The following SCUBE1 variants were observed in gnomAD, a reference collection of about 807,000 sequenced individuals.
SCUBE1 encodes signal peptide, CUB domain and EGF like domain containing 1, also known as signal peptide, CUB and EGF-like domain-containing protein 1.
SCUBE1 carries 59 observed loss-of-function variants against 124.4 expected under a neutral mutation model. The observed-to-expected ratio is 0.47, with a 90% CI of 0.38 to 0.59. SCUBE1 has a LOEUF of 0.59. Ranked by LOEUF, SCUBE1 falls within the 20% of genes least tolerant of loss-of-function variation. The probability of loss-of-function intolerance (pLI) is 0.00; values close to 1 mark genes in which losing one functional copy is unlikely to be tolerated. For missense variants in SCUBE1, 1,150 were observed against 1,371.2 expected, an observed-to-expected ratio of 0.84 and a Z score of 2.55; for synonymous variants, 545 against 550.9, an observed-to-expected ratio of 0.99 and a Z score of 0.15.
intron 4 of SCUBE1, among the ~76,000 whole-genome samples, chr22:43,290,639 G>A (rs867627914): frequency 3.9e-5 from 6 of 152,364 alleles, no homozygotes; most frequent in Middle Eastern, 3.4e-3. Flanking sequence ...GCAGCAGGGA[G>A]TCGCTGGTGC....
At position 43,267,596 on chromosome 22, in the gene SCUBE1, C is replaced by T. The variant is rs559550181; in HGVS notation, c.485-4751G>A. ...CACAGCATGCTGGACAGGAAGAGAC[C>T]CCAGCACTAGCAGGGTCTAAGGGTG... On this transcript the variant is annotated intron_variant, in intron 4 of 21. Coordinates refer to ENST00000360835, the MANE Select transcript of SCUBE1 (RefSeq NM_173050.5). Among the ~76,000 whole-genome samples the T allele has an allele frequency of 2.6e-5, 4 of 152,242 alleles. No individual in the cohort carries two copies. In the South Asian group the frequency reaches 8.3e-4, roughly 32 times the overall value.
At chr22:43,266,782 C>G (rs6003130) in intron 4 of SCUBE1, among the ~76,000 whole-genome samples, 15 of 152,030 alleles carry the variant, frequency 9.9e-5, no homozygotes, top group Non-Finnish European at 1.8e-4. Flanking sequence ...TTACTGGCCA[C>G]TGTTTCCAGA....
rs183397689 is a variant in SCUBE1 at position 43,311,541 on chromosome 22, C to T, written c.349+8396G>A. 2.5e-3 allele frequency among the ~76,000 whole-genome samples: 386 copies of T among 151,812 alleles called. 3 individuals carry two copies. The highest frequency in any genetic ancestry group is 4.2e-3 in the Admixed American group (64 of 15,262). ...GTTCAAGTGATTCTCCTGCCTCAGC[C>T]TCCCAAGTGGTTGGGACTAGAGGCG... On this transcript the variant is annotated intron_variant, in intron 3 of 21. Coordinates refer to ENST00000360835, the MANE Select transcript of SCUBE1 (RefSeq NM_173050.5).
At chr22:43,300,662 T>G (rs991372988) in intron 3 of SCUBE1, among the ~76,000 whole-genome samples, 1 of 152,228 alleles carries the variant, frequency 6.6e-6, no homozygotes. Flanking sequence ...GGCAAATACT[T>G]TTTCCTATTC....
At chr22:43,256,559 G>A (rs1923667971) in intron 6 of SCUBE1, among the ~76,000 whole-genome samples, 1 of 152,158 alleles carries the variant, frequency 6.6e-6, no homozygotes, top group Non-Finnish European at 1.5e-5. Flanking sequence ...GTGGGGCTGG[G>A]GAAGTTAATT....
chr22:43,209,096 C>T (rs1303435322), intron 19 of SCUBE1, among the ~76,000 whole-genome samples: 6 of 152,208 alleles, frequency 3.9e-5, no homozygotes, highest in African/African-American at 1.2e-4. Context: ...TTTGGCTGCT[C>T]AGCTGCGTCA....
chr22:43,267,992 A>G (rs1046148430), intron 4 of SCUBE1, among the ~76,000 whole-genome samples: 9 of 152,322 alleles, frequency 5.9e-5, no homozygotes, highest in African/African-American at 1.7e-4. Context: ...CAGATGGGAA[A>G]GGACTCTGTG....
chr22:43,216,537 T>C (rs571076712), intron 15 of SCUBE1, among the ~76,000 whole-genome samples: 36 of 151,796 alleles, frequency 2.4e-4, no homozygotes, highest in African/African-American at 7.7e-4. Context: ...CCTGTAGTCC[T>C]AGCTACTTGG....
chr22:43,227,964 T>C (rs543246766), intron 9 of SCUBE1, among the ~76,000 whole-genome samples: 2 of 152,166 alleles, frequency 1.3e-5, no homozygotes, highest in African/African-American at 4.8e-5. Flanking sequence ...AAGCACCCGC[T>C]GAAGCTGGGG....
chr22:43,214,199 T>G lies in SCUBE1; in HGVS notation c.1944A>C (p.Ser648=), dbSNP rs758542522. 3.7e-6 allele frequency: 6 copies of G among 1,613,106 alleles called. No homozygotes were observed. The East Asian group carries it at 1.3e-4, about 36-fold the overall frequency. ...TGTCCTGGTATGTTCCTGGCATACA[T>G]GACACACACTGGCCGAGCTCACCAC... ...HFGGELGQCV[S]CMPGTYQDME... is the part of the protein sequence containing the mutation. The change falls in exon 16 of 22, where the codon TCA becomes TCC. Residue 648 remains serine (S), a synonymous_variant. Coordinates refer to ENST00000360835, the MANE Select transcript of SCUBE1 (RefSeq NM_173050.5).
intron 2 of SCUBE1, among the ~76,000 whole-genome samples, chr22:43,328,021 G>A (rs1926783620): frequency 6.6e-6 from 1 of 152,184 alleles, no homozygotes; most frequent in South Asian, 2.1e-4. Flanking sequence ...TGGGTGAAGG[G>A]AAACCACAAG....
At chr22:43,291,019 T>C (rs763723471) in intron 4 of SCUBE1, 27 bp downstream of exon 4, 12 of 1,558,030 alleles carry the variant, frequency 7.7e-6, no homozygotes, top group Non-Finnish European at 8.8e-6. Context: ...GGGGGGGACA[T>C]GCCTGGTCAG....
chr22:43,249,965 T>C (rs1923375750), intron 6 of SCUBE1, among the ~76,000 whole-genome samples: 1 of 152,262 alleles, frequency 6.6e-6, no homozygotes, highest in Admixed American at 6.5e-5. Flanking sequence ...TGCACCTCAG[T>C]GCCCCAACTG....
chr22:43,281,516 C>T (rs1164951693), intron 4 of SCUBE1, among the ~76,000 whole-genome samples: 1,409 of 83,764 alleles, frequency 0.017, 93 homozygotes, highest in East Asian at 0.051. Context: ...TCCTCCTCAG[C>T]CACCCTCCTG....
At chr22:43,209,271 G>A (rs1265125911) in intron 19 of SCUBE1, among the ~76,000 whole-genome samples, 2 of 152,154 alleles carry the variant, frequency 1.3e-5, no homozygotes, top group African/African-American at 4.8e-5. Context: ...TCTGGCCAGC[G>A]TCTGTGGGTG....
rs1249863010 is a variant in SCUBE1 at position 43,342,394 on chromosome 22, G to T, written c.88+780C>A. 4.6e-5 allele frequency among the ~76,000 whole-genome samples: 7 copies of T among 152,062 alleles called. No homozygotes were observed. The Middle Eastern group carries it at 0.014, about 296-fold the overall frequency. On this transcript the variant is annotated intron_variant, in intron 1 of 21. Transcript: ENST00000360835. ...CCTGTGTCTGTCCTCCGGATCCTCTGCCTTCCTTCCCTCTGTCTTTCCTCC... is the reference window on the plus strand; with the variant it reads ...CCTGTGTCTGTCCTCCGGATCCTCTTCCTTCCTTCCCTCTGTCTTTCCTCC...
chr22:43,332,901 G>A (rs1926948198), intron 2 of SCUBE1, among the ~76,000 whole-genome samples: 1 of 152,164 alleles, frequency 6.6e-6, no homozygotes, highest in Non-Finnish European at 1.5e-5. Flanking sequence ...TAACTCCCCT[G>A]TCTGGGGGAC....
chr22:43,272,755 T>C (rs1164331542), intron 4 of SCUBE1, among the ~76,000 whole-genome samples: 6 of 152,208 alleles, frequency 3.9e-5, no homozygotes, highest in African/African-American at 1.4e-4. Flanking sequence ...TTGTCCTGCT[T>C]TGTGTTTACA....
intron 9 of SCUBE1, among the ~76,000 whole-genome samples, chr22:43,228,221 C>T (rs960652823): frequency 1.3e-5 from 2 of 152,174 alleles, no homozygotes; most frequent in Admixed American, 6.5e-5. Flanking sequence ...CCGTCCTTGG[C>T]TTCCTAATCT....
Sources: gnomAD v4.1 joint callset for allele counts (sites outside exome capture counted in the v4.1 genomes callset) on GRCh38, gnomAD v4.1.1 for gene constraint, MANE v1.5 for transcripts, NCBI Gene and HGNC (gene_info 2026-07-23, HGNC 2026-07-21) for gene names.